The following ARK2N variants were observed in gnomAD, a reference collection of about 807,000 sequenced individuals.
The protein encoded by ARK2N is arkadia (RNF111) N-terminal like PKA signaling regulator 2N.
At chr18:46,239,978 C>A in the ARK2N span, 1 of 1,604,212 alleles carries the variant, frequency 6.2e-7, no homozygotes, top group Non-Finnish European at 8.5e-7. Flanking sequence ...ACGTTAGATA[C>A]AAGTATACAT....
the ARK2N span, among the ~76,000 whole-genome samples, chr18:46,177,912 T>C: frequency 6.6e-6 from 1 of 152,090 alleles, no homozygotes; most frequent in Non-Finnish European, 1.5e-5. Flanking sequence ...CAAAAAATAA[T>C]AATTCATATG....
chr18:46,224,193 A>C, the ARK2N span, among the ~76,000 whole-genome samples: 1 of 152,238 alleles, frequency 6.6e-6, no homozygotes, highest in Non-Finnish European at 1.5e-5. Context: ...CACTTCAGCC[A>C]TTAATGAATG....
chr18:46,237,290 A>G, the ARK2N span, among the ~76,000 whole-genome samples: 1 of 152,100 alleles, frequency 6.6e-6, no homozygotes, highest in African/African-American at 2.4e-5. Flanking sequence ...TTACTTCTGT[A>G]TAGCAAGAAT....
At chr18:46,244,487 G>C in the ARK2N span, among the ~76,000 whole-genome samples, 1 of 151,710 alleles carries the variant, frequency 6.6e-6, no homozygotes, top group Admixed American at 6.6e-5. Context: ...CCTAGTGTAG[G>C]GTTTTTAATA....
chr18:46,251,038 C>T, the ARK2N span, among the ~76,000 whole-genome samples: 2 of 152,178 alleles, frequency 1.3e-5, no homozygotes, highest in Admixed American at 6.5e-5. Flanking sequence ...AGAGACTATG[C>T]CTGCCTTGTT....
chr18:46,194,628 C>T, the ARK2N span, among the ~76,000 whole-genome samples: 3 of 151,078 alleles, frequency 2.0e-5, no homozygotes, highest in African/African-American at 7.3e-5. Flanking sequence ...CGTGTGCCAC[C>T]ATGCCTGGCT....
At chr18:46,187,274 T>C in the ARK2N span, among the ~76,000 whole-genome samples, 2 of 150,534 alleles carry the variant, frequency 1.3e-5, no homozygotes, top group African/African-American at 4.9e-5. Flanking sequence ...AGAGCGAGAC[T>C]CTGTCTCATG....
chr18:46,243,872 T>C, the ARK2N span, among the ~76,000 whole-genome samples: 1 of 152,192 alleles, frequency 6.6e-6, no homozygotes, highest in Non-Finnish European at 1.5e-5. Context: ...GGACAGCACA[T>C]AGTAGGCCCT....
the ARK2N span, among the ~76,000 whole-genome samples, chr18:46,251,345 C>G: frequency 6.6e-6 from 1 of 152,170 alleles, no homozygotes; most frequent in Non-Finnish European, 1.5e-5. Context: ...AAGACTTAAC[C>G]AATTCCATTT....
the ARK2N span, among the ~76,000 whole-genome samples, chr18:46,200,367 G>T: frequency 6.6e-6 from 1 of 152,228 alleles, no homozygotes; most frequent in South Asian, 2.1e-4. Context: ...GAGCGCAGTG[G>T]CGCAATCTTG....
the ARK2N span, among the ~76,000 whole-genome samples, chr18:46,245,650 TA>T: frequency 3.3e-5 from 5 of 151,942 alleles, no homozygotes; most frequent in East Asian, 1.9e-4. Flanking sequence ...AGTAGTGACT[TA>T]TTTTTTTATT....
the ARK2N span, among the ~76,000 whole-genome samples, chr18:46,225,653 G>A: frequency 6.6e-6 from 1 of 152,026 alleles, no homozygotes. Context: ...GTAGAGACAG[G>A]GTTTCACTAT....
chr18:46,263,309 A>C, the ARK2N span: 3 of 502,274 alleles, frequency 6.0e-6, no homozygotes, highest in Non-Finnish European at 1.0e-5. Flanking sequence ...AAATAACATC[A>C]CAGAGAAAAG....
At chr18:46,185,860 A>G in the ARK2N span, among the ~76,000 whole-genome samples, 1 of 151,770 alleles carries the variant, frequency 6.6e-6, no homozygotes, top group Non-Finnish European at 1.5e-5. Context: ...GCTGGCTTAC[A>G]CTGGTAATCT....
At chr18:46,255,441 T>TTTTC in the ARK2N span, among the ~76,000 whole-genome samples, 1 of 112,884 alleles carries the variant, frequency 8.9e-6, no homozygotes, top group African/African-American at 3.3e-5. Context: ...TTTTCTTTTC[T>TTTTC]TTTCTTTTTT....
the ARK2N span, chr18:46,216,592 C>A: frequency 1.2e-6 from 2 of 1,607,626 alleles, no homozygotes; most frequent in Non-Finnish European, 1.7e-6. The surrounding 1 kb of genome is among the most constrained non-coding windows in gnomAD (Gnocchi z 4.3). Context: ...TGCAGAGATA[C>A]CAGGTAGAGG....
the ARK2N span, among the ~76,000 whole-genome samples, chr18:46,230,919 C>G: frequency 1.3e-5 from 2 of 152,302 alleles, no homozygotes; most frequent in Non-Finnish European, 2.9e-5. Context: ...TTTTGATAAT[C>G]TAGCTACAGC....
chr18:46,228,418 GA>G, the ARK2N span, among the ~76,000 whole-genome samples: 1 of 152,116 alleles, frequency 6.6e-6, no homozygotes, highest in Non-Finnish European at 1.5e-5. Context: ...TTTTAAGATA[GA>G]AAAGGTTAAT....
At chr18:46,192,881 C>G in the ARK2N span, among the ~76,000 whole-genome samples, 1 of 52,686 alleles carries the variant, frequency 1.9e-5, no homozygotes, top group African/African-American at 5.4e-5. Context: ...CTGAGACTGT[C>G]TCAAAAAAAA....
Sources: gnomAD v4.1 joint callset for allele counts (sites outside exome capture counted in the v4.1 genomes callset) on GRCh38, gnomAD v4.1.1 for gene constraint, Gnocchi (gnomAD v3.1) non-coding constraint, MANE v1.5 for transcripts, NCBI Gene and HGNC (gene_info 2026-07-23, HGNC 2026-07-21) for gene names.